KLF8: variants seen among roughly 807,000 people sequenced by gnomAD.
KLF8 encodes the protein Krueppel-like factor 8.
KLF8 carries 10 observed loss-of-function variants against 18.2 expected under a neutral mutation model. That is an observed-to-expected ratio of 0.55 (90% CI 0.34 to 0.93). The LOEUF is 0.93. KLF8 is among the 40% of genes least tolerant of loss of function. The pLI, the probability that KLF8 is intolerant of heterozygous loss-of-function variation, is 0.02. For synonymous variants in KLF8, 109 were observed against 97.3 expected, an observed-to-expected ratio of 1.12 and a Z score of -0.71; for missense variants, 264 against 277.9, an observed-to-expected ratio of 0.95 and a Z score of 0.36.
the KLF8 span, among the ~76,000 whole-genome samples, chrX:56,037,884 C>G: frequency 9.0e-6 from 1 of 111,570 alleles, no homozygotes; most frequent in Non-Finnish European, 1.9e-5. Flanking sequence ...GCTACAGTCA[C>G]CCTGTTTTGC....
chrX:56,107,678 A>C, the KLF8 span, among the ~76,000 whole-genome samples: 14 of 111,375 alleles, frequency 1.3e-4, no homozygotes, highest in Non-Finnish European at 2.1e-4. Flanking sequence ...TGTGCTTCCC[A>C]GGTAGGTCGA....
the KLF8 span, among the ~76,000 whole-genome samples, chrX:56,164,177 G>T: frequency 9.6e-6 from 1 of 104,307 alleles, no homozygotes; most frequent in Non-Finnish European, 2.0e-5. Context: ...AATTCAAATA[G>T]GTTAGATTTC....
the KLF8 span, among the ~76,000 whole-genome samples, chrX:56,126,245 C>T: frequency 1.2e-4 from 13 of 111,730 alleles, no homozygotes; most frequent in Admixed American, 8.6e-4. Flanking sequence ...AGATTCATCA[C>T]TGTGTCCATA....
At position 56,286,126 on chromosome X, in the gene KLF8, C is replaced by T. The variant is rs970641314; in HGVS notation, c.*1632C>T. The T allele has an allele frequency of 1.2e-4, 13 of 110,620 alleles. No individual in the cohort carries two copies. Among genetic ancestry groups the T allele is most frequent in the African/African-American group, 3.9e-4 (12 of 30,393 alleles). The allele number at this position is 110,620 out of a possible 1,213,427, so 9.1% of individuals were successfully genotyped here. A position where few individuals can be genotyped will look rare whatever the true frequency, so the allele number is the denominator to read the frequency against. On this transcript the variant is annotated 3_prime_UTR_variant, in exon 6 of 6. Transcript: ENST00000468660. Reference sequence around the variant, plus strand: ...TTCTTTGAGCCCTTATACACCTGCACGCTTATTCTCCTGGGGATCACATAA... The same window carrying T: ...TTCTTTGAGCCCTTATACACCTGCATGCTTATTCTCCTGGGGATCACATAA...
At chrX:56,266,526 T>G in intron 3 of KLF8, 1 of 750,363 alleles carries the variant, frequency 1.3e-6, no homozygotes, top group Non-Finnish European at 1.6e-6. Flanking sequence ...ACTTGAAAAT[T>G]TGTCCAAGAG....
the KLF8 span, among the ~76,000 whole-genome samples, chrX:56,197,974 C>T: frequency 8.9e-6 from 1 of 111,816 alleles, no homozygotes; most frequent in East Asian, 2.8e-4. Context: ...ATTAACAGAA[C>T]CAAAGACAAA....
the KLF8 span, among the ~76,000 whole-genome samples, chrX:56,054,749 G>T: frequency 1.8e-5 from 2 of 111,633 alleles, no homozygotes; most frequent in Non-Finnish European, 3.8e-5. Context: ...CTAAGATCTT[G>T]CTTTACGGAT....
At chrX:56,051,789 G>C in the KLF8 span, among the ~76,000 whole-genome samples, 2 of 107,491 alleles carry the variant, frequency 1.9e-5, no homozygotes, top group Non-Finnish European at 3.8e-5. Context: ...GGTGTTCTCT[G>C]TATTTCCTGA....
the KLF8 span, among the ~76,000 whole-genome samples, chrX:56,200,704 G>A: frequency 9.0e-6 from 1 of 110,904 alleles, no homozygotes; most frequent in Admixed American, 9.6e-5. Flanking sequence ...ATATTTGCCA[G>A]CCATATATCT....
At chrX:55,957,905 A>G in the KLF8 span, among the ~76,000 whole-genome samples, 1 of 112,085 alleles carries the variant, frequency 8.9e-6, no homozygotes, top group East Asian at 2.8e-4. Context: ...CAACCCTATA[A>G]AGTGTGCACT....
At chrX:56,203,239 C>A in the KLF8 span, among the ~76,000 whole-genome samples, 1 of 112,039 alleles carries the variant, frequency 8.9e-6, no homozygotes, top group Non-Finnish European at 1.9e-5. Flanking sequence ...TGAGAAATAT[C>A]TATTTAAATG....
chrX:55,999,552 C>T, the KLF8 span, among the ~76,000 whole-genome samples: 4 of 107,952 alleles, frequency 3.7e-5, no homozygotes, highest in African/African-American at 1.4e-4. Flanking sequence ...GATATTTTAC[C>T]TTCTTTGTTA....
the KLF8 span, among the ~76,000 whole-genome samples, chrX:56,179,105 C>T: frequency 1.8e-5 from 2 of 112,084 alleles, no homozygotes; most frequent in Non-Finnish European, 3.8e-5. Flanking sequence ...ATTGATTCTT[C>T]CTATCCATTA....
the KLF8 span, among the ~76,000 whole-genome samples, chrX:56,106,499 G>T: frequency 1.8e-5 from 2 of 111,678 alleles, no homozygotes; most frequent in African/African-American, 3.3e-5. Flanking sequence ...CCATTTGATC[G>T]AATCAGCTAC....
the KLF8 span, among the ~76,000 whole-genome samples, chrX:56,075,934 G>A: frequency 9.0e-6 from 1 of 110,857 alleles, no homozygotes; most frequent in Non-Finnish European, 1.9e-5. Context: ...CGCTTACATT[G>A]TTTCCAAAAT....
At chrX:56,188,562 G>T in the KLF8 span, among the ~76,000 whole-genome samples, 1 of 111,832 alleles carries the variant, frequency 8.9e-6, no homozygotes, top group Admixed American at 9.5e-5. Context: ...GCATCACCAA[G>T]TCAATCCTAA....
chrX:55,977,813 T>C, the KLF8 span, among the ~76,000 whole-genome samples: 1 of 110,896 alleles, frequency 9.0e-6, no homozygotes, highest in African/African-American at 3.3e-5. Flanking sequence ...GAGACGAGAG[T>C]AGAAGCAGGG....
chrX:56,140,840 A>G, the KLF8 span, among the ~76,000 whole-genome samples: 1 of 109,074 alleles, frequency 9.2e-6, no homozygotes, highest in Non-Finnish European at 1.9e-5. Context: ...ACCAATTTCC[A>G]TACCCACCAA....
chrX:56,186,151 C>A, the KLF8 span, among the ~76,000 whole-genome samples: 3 of 111,881 alleles, frequency 2.7e-5, no homozygotes, highest in Non-Finnish European at 5.6e-5. Flanking sequence ...CAGAGACACA[C>A]ATAGGCTCAA....
Sources: gnomAD v4.1 joint callset for allele counts (sites outside exome capture counted in the v4.1 genomes callset) on GRCh38, gnomAD v4.1.1 for gene constraint, MANE v1.5 for transcripts, NCBI Gene and HGNC (gene_info 2026-07-23, HGNC 2026-07-21) for gene names.